The following ARHGAP28 variants were observed in gnomAD, a reference collection of about 807,000 sequenced individuals.
ARHGAP28 encodes rho GTPase-activating protein 28.
In ARHGAP28, 56 loss-of-function variants were observed where a neutral mutation model predicts 90.7. The ratio of observed to expected loss-of-function variants is 0.62; its 90% CI spans 0.50 to 0.77. The LOEUF is 0.77. Ranked by LOEUF, ARHGAP28 falls within the 30% of genes least tolerant of loss-of-function variation. ARHGAP28 has a pLI of 0.00. For missense variants in ARHGAP28, 869 were observed against 900.9 expected (o/e 0.96, Z 0.45); for synonymous variants, 308 against 323.3 (o/e 0.95, Z 0.51).
chr18:6,853,834 C>A (rs1372096805), intron 4 of ARHGAP28, among the ~76,000 whole-genome samples: 1 of 152,150 alleles, frequency 6.6e-6, no homozygotes, highest in Non-Finnish European at 1.5e-5. Context: ...GTTGTTCCAC[C>A]TTTCCAGATC....
intron 1 of ARHGAP28, among the ~76,000 whole-genome samples, chr18:6,732,862 A>G (rs962735695): frequency 2.0e-5 from 3 of 152,146 alleles, no homozygotes; most frequent in African/African-American, 7.2e-5. Flanking sequence ...CTGTATCCCT[A>G]CGGTTATCAC....
chr18:6,840,665 CCT>C (rs1294221567), intron 3 of ARHGAP28, among the ~76,000 whole-genome samples: 1 of 152,126 alleles, frequency 6.6e-6, no homozygotes, highest in East Asian at 1.9e-4. Context: ...CGTCTGCCTT[CCT>C]CTCTTTCCTC....
chr18:6,764,932 C>T (rs1437479667), intron 1 of ARHGAP28, among the ~76,000 whole-genome samples: 2 of 152,044 alleles, frequency 1.3e-5, no homozygotes, highest in Non-Finnish European at 2.9e-5. Flanking sequence ...ATGACCAATA[C>T]AATTGAGGTA....
chr18:6,904,306 AT>A (rs1235554617), intron 16 of ARHGAP28, among the ~76,000 whole-genome samples: 1 of 152,176 alleles, frequency 6.6e-6, no homozygotes, highest in Non-Finnish European at 1.5e-5. Context: ...AGGCAGGAGA[AT>A]CGCTTGAACC....
At position 6,804,935 on chromosome 18, in the gene ARHGAP28, T is replaced by A. The variant is rs145811124; in HGVS notation, c.123-19827T>A. ...AAGTTGTCTTTTATATACTTACTTA[T>A]TTAGTATCTACCTGTTCTATAGATT... On this transcript the variant is annotated intron_variant, in intron 1 of 17. Transcript: ENST00000383472. 5.2e-4 allele frequency among the ~76,000 whole-genome samples: 79 copies of A among 152,370 alleles called. No homozygotes were observed. The East Asian group carries it at 0.012, about 23-fold the overall frequency.
chr18:6,781,903 T>G (rs1328076546), intron 1 of ARHGAP28, among the ~76,000 whole-genome samples: 1 of 152,230 alleles, frequency 6.6e-6, no homozygotes, highest in Non-Finnish European at 1.5e-5. Flanking sequence ...GCTGTTTTTA[T>G]TTTTCTTCCT....
rs142653243 is a variant in ARHGAP28 at position 6,912,083 on chromosome 18, G to T, written c.2119G>T (p.Ala707Ser). 59 of 1,605,672 alleles carry T rather than the reference G, an allele frequency of 3.7e-5. No individual in the cohort carries two copies. The Middle Eastern group carries it at 6.6e-4, about 18-fold the overall frequency. ...NIGEHCLDPD[A>S]YILDVYRINP... Reference sequence around the variant, plus strand: ...AGGAGAGCATTGCTTGGATCCAGATGCTTATATATTGGATGTATATCGTAT... The same window carrying T: ...AGGAGAGCATTGCTTGGATCCAGATTCTTATATATTGGATGTATATCGTAT... Residue 707 changes from alanine (A) to serine (S), a missense_variant, in exon 18 of 18, where the codon GCT becomes TCT. Physicochemically the swap from Ala to Ser is moderately conservative, Grantham distance 99. Coordinates refer to ENST00000383472, the MANE Select transcript of ARHGAP28 (RefSeq NM_001366230.1).
chr18:6,869,639 A>G (rs903578913), intron 6 of ARHGAP28, among the ~76,000 whole-genome samples: 1 of 152,064 alleles, frequency 6.6e-6, no homozygotes, highest in African/African-American at 2.4e-5. Context: ...CAGAATTTTT[A>G]TATCTGTTGA....
In ARHGAP28 at chr18:6,729,947, C is replaced by A; in HGVS notation, c.122+4C>A. 4.4e-6 allele frequency: 6 copies of A among 1,361,480 alleles called. No individual in the cohort carries two copies. The highest frequency in any genetic ancestry group is 5.7e-6 in the Non-Finnish European group (6 of 1,061,910). The allele number at this position is 1,361,480 out of a possible 1,614,324, so 84.3% of individuals were successfully genotyped here. ...CAGCCAGCCACCCGCTCAGCAGGTA[C>A]CCGGAGCCGCTCCCACCAGGGCGGC... On this transcript the variant is annotated splice_donor_region_variant and intron_variant, in intron 1 of 17. Transcript: ENST00000383472.
chr18:6,830,332 TTTA>T (rs911237304), intron 2 of ARHGAP28, among the ~76,000 whole-genome samples: 7 of 152,178 alleles, frequency 4.6e-5, no homozygotes, highest in African/African-American at 1.7e-4. Context: ...CTATTCTTTT[TTTA>T]TTATTATTAT....
At chr18:6,876,262 T>C (rs529726145) in intron 10 of ARHGAP28, 54 bp downstream of exon 10, 1 of 1,320,316 alleles carries the variant, frequency 7.6e-7, no homozygotes, top group East Asian at 2.3e-5. Flanking sequence ...CTAGACCCAG[T>C]TCACACAAGC....
At chr18:6,891,876 A>G (rs1312311284) in intron 14 of ARHGAP28, among the ~76,000 whole-genome samples, 2 of 152,082 alleles carry the variant, frequency 1.3e-5, no homozygotes, top group Non-Finnish European at 2.9e-5. Context: ...TACAGATGTG[A>G]GCCACTGTGC....
intron 1 of ARHGAP28, among the ~76,000 whole-genome samples, chr18:6,820,016 A>T (rs1470465086): frequency 3.3e-5 from 5 of 152,224 alleles, no homozygotes; most frequent in Non-Finnish European, 7.3e-5. Flanking sequence ...TCTAATAAAA[A>T]GTTATGAAAT....
At chr18:6,813,375 T>C (rs556404220) in intron 1 of ARHGAP28, among the ~76,000 whole-genome samples, 2 of 152,140 alleles carry the variant, frequency 1.3e-5, no homozygotes, top group Non-Finnish European at 2.9e-5. Context: ...ATATATAACT[T>C]ACATAGCCAG....
intron 5 of ARHGAP28, among the ~76,000 whole-genome samples, chr18:6,861,290 G>T (rs2143402767): frequency 6.6e-6 from 1 of 152,274 alleles, no homozygotes; most frequent in Non-Finnish European, 1.5e-5. Context: ...CATGTGAATG[G>T]TTGTAAAATC....
At chr18:6,846,703 A>G (rs1431384) in intron 3 of ARHGAP28, among the ~76,000 whole-genome samples, 108,724 of 152,028 alleles carry the variant, frequency 0.72, 39,080 homozygotes, top group East Asian at 0.84. Flanking sequence ...CTCAGCCAGA[A>G]GAGGGCAAGT....
chr18:6,912,167 A>G lies in ARHGAP28; in HGVS notation c.*13A>G. ...ACAAAGTTCTTAAAATATCCTCGAG[A>G]GAGCTGCTATCATGTATTATATGCC... is the stretch of plus-strand genomic sequence containing the variant. On this transcript the variant is annotated 3_prime_UTR_variant, in exon 18 of 18. Transcript: ENST00000383472. 6.7e-7 allele frequency: 1 copy of G among 1,495,200 alleles called. No homozygotes were observed. Among genetic ancestry groups the G allele is most frequent in the Non-Finnish European group, 9.3e-7 (1 of 1,078,522 alleles). 92.6% of individuals were successfully genotyped at this position (1,495,200 alleles called of 1,614,324 possible).
At position 6,890,009 on chromosome 18, in the gene ARHGAP28, A is replaced by G. The variant is rs373684049; in HGVS notation, c.1658A>G (p.Tyr553Cys). The G allele has an allele frequency of 9.3e-6, 15 of 1,614,120 alleles. No homozygotes were observed. Among genetic ancestry groups the G allele is most frequent in the South Asian group, 1.1e-5 (1 of 91,094 alleles). Residue 553 changes from tyrosine (Y) to cysteine (C), a missense_variant, in exon 13 of 18, where the codon TAT becomes TGT. By Grantham distance (194) the Tyr-to-Cys change is radical (BLOSUM62 -2). Transcript: ENST00000383472. ...TTCAGTAGAAGCAAACACTCTGATTATGAAGAATTACTGTTAGCAAACACT... is the reference window on the plus strand; with the variant it reads ...TTCAGTAGAAGCAAACACTCTGATTGTGAAGAATTACTGTTAGCAAACACT... ...LFFSRSKHSD[Y>C]EELLLANTAA...
chr18:6,759,170 TG>T (rs1382830355), intron 1 of ARHGAP28, among the ~76,000 whole-genome samples: 1 of 152,224 alleles, frequency 6.6e-6, no homozygotes, highest in Non-Finnish European at 1.5e-5. Flanking sequence ...TACTGGCAGC[TG>T]GGGATTTAGT....
Sources: gnomAD v4.1 joint callset for allele counts (sites outside exome capture counted in the v4.1 genomes callset) on GRCh38, gnomAD v4.1.1 for gene constraint, MANE v1.5 for transcripts, NCBI Gene and HGNC (gene_info 2026-07-23, HGNC 2026-07-21) for gene names.